OPCML: variants seen among roughly 807,000 people sequenced by gnomAD.
OPCML encodes the protein opioid binding protein/cell adhesion molecule like, also known as opioid-binding protein/cell adhesion molecule.
In OPCML, 13 loss-of-function variants were observed where a neutral mutation model predicts 37.8. The observed-to-expected ratio is 0.34, with a 90% CI of 0.22 to 0.55. The LOEUF is 0.55. OPCML is among the 20% of genes least tolerant of loss of function. The pLI is 0.91. For missense variants in OPCML, 341 were observed against 435.6 expected (o/e 0.78, Z 1.93); for synonymous variants, 176 against 168.8 (o/e 1.04, Z -0.33).
At chr11:132,598,220 G>T (rs1211295584) in intron 3 of OPCML, among the ~76,000 whole-genome samples, 1 of 152,132 alleles carries the variant, frequency 6.6e-6, no homozygotes, top group Non-Finnish European at 1.5e-5. Flanking sequence ...ATTAGCAATT[G>T]CCAACCTCTT....
At chr11:133,519,524 C>T (rs1202657348) in intron 1 of OPCML, among the ~76,000 whole-genome samples, 1 of 152,066 alleles carries the variant, frequency 6.6e-6, no homozygotes, top group East Asian at 1.9e-4. Flanking sequence ...TAATCATGAA[C>T]AGTTGAAAAT....
At chr11:133,042,105 C>T (rs1403628251) in intron 1 of OPCML, among the ~76,000 whole-genome samples, 3 of 152,140 alleles carry the variant, frequency 2.0e-5, no homozygotes, top group Non-Finnish European at 4.4e-5. Flanking sequence ...ATTAGGCCCA[C>T]AGTCACATGT....
intron 1 of OPCML, among the ~76,000 whole-genome samples, chr11:133,053,896 C>A (rs114467474): frequency 1.3e-5 from 2 of 152,186 alleles, no homozygotes; most frequent in South Asian, 4.1e-4. Context: ...TGTCCAACAG[C>A]GCCCTTAAAT....
At chr11:133,240,165 A>G (rs951731653) in intron 1 of OPCML, among the ~76,000 whole-genome samples, 1 of 148,918 alleles carries the variant, frequency 6.7e-6, no homozygotes, top group African/African-American at 2.5e-5. Flanking sequence ...CCTTCTGCAA[A>G]TAAGTCTCCT....
intron 2 of OPCML, among the ~76,000 whole-genome samples, chr11:132,855,207 A>G (rs1445354123): frequency 2.0e-5 from 3 of 152,106 alleles, no homozygotes; most frequent in South Asian, 4.1e-4. Context: ...AGATTACTGC[A>G]TTCTGGTAAC....
intron 2 of OPCML, among the ~76,000 whole-genome samples, chr11:132,680,523 C>T (rs752094747): frequency 1.3e-5 from 2 of 152,180 alleles, no homozygotes; most frequent in South Asian, 4.1e-4. Context: ...AGGTTCGGAA[C>T]CTTCAAGAGA....
At chr11:133,165,464 G>A (rs1318165676) in intron 1 of OPCML, among the ~76,000 whole-genome samples, 1 of 152,094 alleles carries the variant, frequency 6.6e-6, no homozygotes, top group African/African-American at 2.4e-5. Context: ...CCCTGGGCCT[G>A]GACAACCCAG....
chr11:133,391,580 TC>T (rs1170401468), intron 1 of OPCML, among the ~76,000 whole-genome samples: 4 of 152,060 alleles, frequency 2.6e-5, no homozygotes, highest in African/African-American at 9.7e-5. Context: ...TATCCCTCCA[TC>T]AAAAAGCAGG....
chr11:133,095,615 A>T (rs1001692370), intron 1 of OPCML, among the ~76,000 whole-genome samples: 2 of 146,524 alleles, frequency 1.4e-5, no homozygotes, highest in African/African-American at 5.1e-5. Context: ...TTTATTTGGA[A>T]CTACTGATAC....
intron 1 of OPCML, among the ~76,000 whole-genome samples, chr11:133,029,478 A>G (rs1230926870): frequency 6.6e-6 from 1 of 152,242 alleles, no homozygotes; most frequent in Non-Finnish European, 1.5e-5. Flanking sequence ...CTCGGTGCCC[A>G]GCAATGGTGA....
chr11:133,519,234 G>T (rs1269759435), intron 1 of OPCML, among the ~76,000 whole-genome samples: 1 of 152,148 alleles, frequency 6.6e-6, no homozygotes, highest in Non-Finnish European at 1.5e-5. Context: ...TCTAACCTTG[G>T]CTTTCTGGCT....
At chr11:132,916,958 T>C (rs374734607) in intron 2 of OPCML, among the ~76,000 whole-genome samples, 2 of 152,276 alleles carry the variant, frequency 1.3e-5, no homozygotes, top group East Asian at 1.9e-4. Flanking sequence ...TTGTAAGATA[T>C]GAAAGGAGCT....
intron 2 of OPCML, among the ~76,000 whole-genome samples, chr11:132,684,402 A>C (rs190187697): frequency 3.3e-4 from 50 of 152,304 alleles, no homozygotes; most frequent in Non-Finnish European, 5.3e-4. Flanking sequence ...TATAAAACTC[A>C]TGCTTCACCC....
At chr11:133,058,792 A>T (rs1476945655) in intron 1 of OPCML, among the ~76,000 whole-genome samples, 1 of 152,196 alleles carries the variant, frequency 6.6e-6, no homozygotes, top group African/African-American at 2.4e-5. Flanking sequence ...TACATAACCT[A>T]AGTATTTTAA....
intron 2 of OPCML, among the ~76,000 whole-genome samples, chr11:132,863,588 T>C (rs139649137): frequency 6.6e-6 from 1 of 152,320 alleles, no homozygotes; most frequent in East Asian, 1.9e-4. Context: ...GGCAGGTCAC[T>C]GAAGTCAGAA....
intron 1 of OPCML, among the ~76,000 whole-genome samples, chr11:133,395,052 G>T (rs1945257407): frequency 6.6e-6 from 1 of 152,058 alleles, no homozygotes; most frequent in African/African-American, 2.4e-5. Flanking sequence ...CCTGACTATT[G>T]TGTAAAAGCC....
At chr11:132,467,666 G>A (rs565361397) in intron 4 of OPCML, among the ~76,000 whole-genome samples, 3 of 152,264 alleles carry the variant, frequency 2.0e-5, no homozygotes, top group South Asian at 2.1e-4. Flanking sequence ...TACTGAGTGC[G>A]GAAATGAACT....
intron 2 of OPCML, among the ~76,000 whole-genome samples, chr11:132,873,669 A>C (rs1157693976): frequency 6.6e-6 from 1 of 151,880 alleles, no homozygotes; most frequent in Non-Finnish European, 1.5e-5. Context: ...AGTTGTATAA[A>C]GAGACATCAA....
Position 133,510,080 on chromosome 11 carries a change from G to A in OPCML, c.61+22184C>T, listed in dbSNP as rs180975103. Among the ~76,000 whole-genome samples, 390 of 152,238 alleles carry A rather than the reference G, an allele frequency of 2.6e-3. 1 individual carries two copies. Among genetic ancestry groups the A allele is most frequent in the East Asian group, 4.3e-3 (22 of 5,158 alleles). On this transcript the variant is annotated intron_variant, in intron 1 of 7. Coordinates refer to ENST00000524381, the MANE Select transcript of OPCML (RefSeq NM_001012393.5). Reference sequence around the variant, plus strand: ...GACACTCCTAACACTGCAGGTGTGCGTCTCTACAGTCACCCAGCCTGTTCT... The same window carrying A: ...GACACTCCTAACACTGCAGGTGTGCATCTCTACAGTCACCCAGCCTGTTCT...
Sources: gnomAD v4.1 joint callset for allele counts (sites outside exome capture counted in the v4.1 genomes callset) on GRCh38, gnomAD v4.1.1 for gene constraint, MANE v1.5 for transcripts, NCBI Gene and HGNC (gene_info 2026-07-23, HGNC 2026-07-21) for gene names.